The following ROBO1 variants were observed in gnomAD, a reference collection of about 807,000 sequenced individuals.
ROBO1 encodes roundabout homolog 1.
Under a neutral mutation model 195.9 loss-of-function variants are expected in ROBO1, and 149 were observed. The ratio of observed to expected loss-of-function variants is 0.76; its 90% CI spans 0.67 to 0.87. The LOEUF (loss-of-function observed/expected upper bound fraction) is 0.87. Ranked by LOEUF, ROBO1 falls within the 40% of genes least tolerant of loss-of-function variation. The probability of loss-of-function intolerance (pLI) is 0.00; values close to 1 mark genes in which losing one functional copy is unlikely to be tolerated. For missense variants in ROBO1, 1,933 were observed against 2,068.3 expected, an observed-to-expected ratio of 0.93 and a Z score of 1.27; for synonymous variants, 816 against 733.2, an observed-to-expected ratio of 1.11 and a Z score of -1.82.
intron 2 of ROBO1, among the ~76,000 whole-genome samples, chr3:79,575,866 A>T (rs924576553): frequency 3.3e-5 from 5 of 151,898 alleles, no homozygotes; most frequent in African/African-American, 1.2e-4. Flanking sequence ...CACAATTGTC[A>T]TATGTTTCCC....
intron 2 of ROBO1, among the ~76,000 whole-genome samples, chr3:79,137,877 C>T (rs1006732635): frequency 6.6e-6 from 1 of 152,058 alleles, no homozygotes; most frequent in Non-Finnish European, 1.5e-5. Context: ...TGATTCTTTT[C>T]TAGTCACTGA....
Position 78,662,007 on chromosome 3 carries a change from C to T in ROBO1, c.2074G>A (p.Glu692Lys), listed in dbSNP as rs199577218. ...TAACAACTCACTGTCCAGTGCACTT[C>T]GATGGAAGAGGAAGAAAGGACGGTG... Reference protein sequence around the residue: ...NPTVLSSSSIEVHWTVDQQSQ... With the variant: ...NPTVLSSSSIKVHWTVDQQSQ... Residue 692 changes from glutamate (E) to lysine (K), a missense_variant, in exon 15 of 31, where the codon GAA (glutamate) becomes AAA (lysine). Coordinates refer to ENST00000464233, the MANE Select transcript of ROBO1 (RefSeq NM_002941.4). 118 of 1,607,732 alleles carry T rather than the reference C, an allele frequency of 7.3e-5. No individual in the cohort carries two copies. Among genetic ancestry groups the T allele is most frequent in the Admixed American group, 1.7e-5 (1 of 59,282 alleles).
intron 4 of ROBO1, among the ~76,000 whole-genome samples, chr3:78,817,630 G>T (rs1008130628): frequency 6.6e-6 from 1 of 152,070 alleles, no homozygotes; most frequent in Non-Finnish European, 1.5e-5. Flanking sequence ...AAAAAAATCA[G>T]AAAATTAAGA....
At chr3:79,015,378 A>T (rs1196414148) in intron 3 of ROBO1, among the ~76,000 whole-genome samples, 1 of 73,926 alleles carries the variant, frequency 1.4e-5, no homozygotes, top group African/African-American at 5.2e-5. Flanking sequence ...ACCCTCCCCC[A>T]CGCCCCCCCC....
intron 2 of ROBO1, among the ~76,000 whole-genome samples, chr3:79,361,156 G>C (rs4493394): frequency 0.44 from 67,052 of 151,784 alleles, 14,924 homozygotes; most frequent in South Asian, 0.48. Flanking sequence ...ATAAATGATA[G>C]TTGTATGACC....
chr3:79,170,641 GT>G (rs1261025509), intron 2 of ROBO1, among the ~76,000 whole-genome samples: 2 of 151,914 alleles, frequency 1.3e-5, no homozygotes, highest in Non-Finnish European at 2.9e-5. Context: ...TATTTTAGAG[GT>G]AAAAAATGTT....
chr3:78,774,107 A>G (rs2083445015), intron 4 of ROBO1, among the ~76,000 whole-genome samples: 1 of 152,216 alleles, frequency 6.6e-6, no homozygotes, highest in Non-Finnish European at 1.5e-5. Context: ...TGAGAACCTA[A>G]GCAGGATATG....
chr3:79,222,271 A>G (rs1430522519), intron 2 of ROBO1, among the ~76,000 whole-genome samples: 1 of 152,144 alleles, frequency 6.6e-6, no homozygotes, highest in African/African-American at 2.4e-5. Flanking sequence ...CTCAGTTTTT[A>G]TCATCAGATA....
intron 2 of ROBO1, among the ~76,000 whole-genome samples, chr3:79,557,261 A>G (rs1942736643): frequency 6.6e-6 from 1 of 152,156 alleles, no homozygotes; most frequent in African/African-American, 2.4e-5. Context: ...AAGAAGTAAC[A>G]AAGAACTGAA....
chr3:79,529,671 C>T (rs552975184), intron 2 of ROBO1, among the ~76,000 whole-genome samples: 56 of 152,152 alleles, frequency 3.7e-4, no homozygotes, highest in African/African-American at 1.3e-3. Flanking sequence ...GAATAAGGGA[C>T]GATTCACAAT....
intron 4 of ROBO1, among the ~76,000 whole-genome samples, chr3:78,927,413 A>G (rs1560009316): frequency 6.6e-6 from 1 of 152,064 alleles, no homozygotes; most frequent in Non-Finnish European, 1.5e-5. Context: ...TACCCAAAAC[A>G]TTTTCTGGGA....
chr3:79,557,413 T>A (rs1457030445), intron 2 of ROBO1, among the ~76,000 whole-genome samples: 1 of 152,048 alleles, frequency 6.6e-6, no homozygotes, highest in Non-Finnish European at 1.5e-5. Flanking sequence ...AATTTGTGAC[T>A]ATAAAGAATT....
intron 2 of ROBO1, among the ~76,000 whole-genome samples, chr3:79,342,268 T>C (rs1056968259): frequency 6.6e-6 from 1 of 152,158 alleles, no homozygotes; most frequent in Admixed American, 6.6e-5. Context: ...TTGCAGAAGA[T>C]TATTTTAGCA....
chr3:79,679,846 C>T (rs971682388), intron 1 of ROBO1, among the ~76,000 whole-genome samples: 6 of 151,886 alleles, frequency 4.0e-5, no homozygotes, highest in African/African-American at 1.4e-4. Context: ...TGAGAACAAT[C>T]CATTAGTAAA....
chr3:79,079,481 G>A (rs2079232274), intron 3 of ROBO1, among the ~76,000 whole-genome samples: 1 of 151,742 alleles, frequency 6.6e-6, no homozygotes, highest in Non-Finnish European at 1.5e-5. Context: ...GAAAAGAAGT[G>A]GGCCGAGAGA....
chr3:78,922,831 C>G (rs2039017354), intron 4 of ROBO1, among the ~76,000 whole-genome samples: 1 of 151,876 alleles, frequency 6.6e-6, no homozygotes, highest in African/African-American at 2.4e-5. Flanking sequence ...CTCCTGACCT[C>G]AAGGGATCCA....
chr3:79,697,608 C>G (rs1947485461), intron 1 of ROBO1, among the ~76,000 whole-genome samples: 2 of 151,130 alleles, frequency 1.3e-5, no homozygotes, highest in African/African-American at 4.8e-5. Context: ...TATATTGTGG[C>G]AAGTGTTTTC....
intron 2 of ROBO1, among the ~76,000 whole-genome samples, chr3:79,575,192 AT>A (rs1943421443): frequency 7.9e-6 from 1 of 127,306 alleles, no homozygotes; most frequent in African/African-American, 3.1e-5. Context: ...TAACATATAT[AT>A]AAATATATAT....
At chr3:78,727,242 T>C (rs557453614) in intron 5 of ROBO1, among the ~76,000 whole-genome samples, 37 of 152,084 alleles carry the variant, frequency 2.4e-4, no homozygotes, top group African/African-American at 8.9e-4. Context: ...ATTCAGATAT[T>C]ATATAATATA....
Sources: gnomAD v4.1 joint callset for allele counts (sites outside exome capture counted in the v4.1 genomes callset) on GRCh38, gnomAD v4.1.1 for gene constraint, MANE v1.5 for transcripts, NCBI Gene and HGNC (gene_info 2026-07-23, HGNC 2026-07-21) for gene names.